The following SARDH variants were observed in gnomAD, a reference collection of about 807,000 sequenced individuals.
SARDH encodes sarcosine dehydrogenase, also known as sarcosine dehydrogenase, mitochondrial.
A neutral mutation model predicts 109.1 loss-of-function variants in SARDH; 95 were observed. That is an observed-to-expected ratio of 0.87 (90% CI 0.74 to 1.03). The LOEUF is 1.03. Ranked by LOEUF, SARDH falls within the 50% of genes least tolerant of loss-of-function variation. The pLI, the probability that SARDH is intolerant of heterozygous loss-of-function variation, is 0.00. For missense variants in SARDH, 1,267 were observed against 1,287.8 expected (o/e 0.98, Z 0.25); for synonymous variants, 572 against 534.8 (o/e 1.07, Z -0.96).
intron 13 of SARDH, among the ~76,000 whole-genome samples, chr9:133,701,129 A>T (rs1831469169): frequency 6.6e-6 from 1 of 152,258 alleles, no homozygotes; most frequent in South Asian, 2.1e-4. Context: ...TGACCCTGAC[A>T]GCTGGTCAGG....
Position 133,704,110 on chromosome 9 carries a change from G to A in SARDH, c.1554+838C>T, listed in dbSNP as rs1831597290. ...GTTCATGAGGACGGCATGTCCCTAG[G>A]GGCCAGCAGGAGAAGAGACGATGAC... On this transcript the variant is annotated intron_variant, in intron 12 of 20. Transcript: ENST00000439388. The surrounding 1 kb of genome is among the most constrained non-coding windows in gnomAD (Gnocchi z 4.5). Among the ~76,000 whole-genome samples the A allele has an allele frequency of 1.3e-5, 2 of 152,100 alleles. No homozygotes were observed. The highest frequency in any genetic ancestry group is 2.9e-5 in the Non-Finnish European group (2 of 68,006).
Position 133,670,716 on chromosome 9 carries a change from T to G in SARDH, c.2363A>C (p.Asp788Ala). ...GGCCAGGCCTGCCTCCAGGGGGCTG[T>G]CGTCTGGCCGCAGGTCCGCGTGCCA... is the stretch of plus-strand genomic sequence containing the variant. ...RHWHADLRPD[D>A]SPLEAGLAFT... Residue 788 changes from aspartate to alanine, a missense_variant, in exon 19 of 21, where the codon GAC becomes GCC. Coordinates refer to ENST00000439388, the MANE Select transcript of SARDH (RefSeq NM_001134707.2). 1 of 1,600,312 alleles carries G rather than the reference T, an allele frequency of 6.2e-7. No homozygotes were observed. The highest frequency in any genetic ancestry group is 8.5e-7 in the Non-Finnish European group (1 of 1,174,474).
At chr9:133,690,248 C>T (rs752130220) in intron 16 of SARDH, 132 bp downstream of exon 16, 10 of 970,170 alleles carry the variant, frequency 1.0e-5, no homozygotes, top group African/African-American at 1.6e-5. Context: ...AGAATGGCAT[C>T]TCTGGTTTAC....
chr9:133,725,539 G>T, intron 6 of SARDH: 1 of 438,662 alleles, frequency 2.3e-6, no homozygotes, highest in Non-Finnish European at 4.6e-6. Flanking sequence ...AGCCGGGTGT[G>T]GTGACGGGCA....
chr9:133,662,839 A>T (rs1305874409), downstream of SARDH, among the ~76,000 whole-genome samples: 1 of 152,150 alleles, frequency 6.6e-6, no homozygotes, highest in Non-Finnish European at 1.5e-5. This position sits in a 1 kb window ranked among gnomAD's most constrained non-coding sequence, Gnocchi z 5.1. Context: ...GACGGGCCTG[A>T]TCTGAACCTG....
At chr9:133,730,323 T>C in intron 4 of SARDH, 136 bp from the exon 5 acceptor site, 1 of 1,145,182 alleles carries the variant, frequency 8.7e-7, no homozygotes, top group Non-Finnish European at 1.2e-6. Flanking sequence ...CCTGCGACAC[T>C]GTCAGGGAAA....
chr9:133,670,653 C>G lies in SARDH; in HGVS notation c.2426G>C (p.Gly809Ala). The change falls in exon 19 of 21, where the codon GGG becomes GCG. Residue 809 changes from glycine to alanine, a missense_variant. Transcript: ENST00000439388. ...CCGCTGCTGCTCCAGGGCCTCCCTCCCCAGGAAGGGCACCGGCGACTTGAG... is the reference window on the plus strand; with the variant it reads ...CCGCTGCTGCTCCAGGGCCTCCCTCGCCAGGAAGGGCACCGGCGACTTGAG... ...CKLKSPVPFLGREALEQQRAA... is the reference protein window; with the variant it reads ...CKLKSPVPFLAREALEQQRAA... 6.3e-7 allele frequency: 1 copy of G among 1,593,696 alleles called. No homozygotes were observed. Among genetic ancestry groups the G allele is most frequent in the Non-Finnish European group, 8.5e-7 (1 of 1,171,002 alleles).
At chr9:133,719,382 G>A (rs557217641) in intron 6 of SARDH, among the ~76,000 whole-genome samples, 103 of 152,326 alleles carry the variant, frequency 6.8e-4, no homozygotes, top group African/African-American at 2.4e-3. Flanking sequence ...AGCAGTAGAG[G>A]ATGGGAGATT....
chr9:133,660,715 C>T (rs1259099697), downstream of SARDH, among the ~76,000 whole-genome samples: 3 of 152,116 alleles, frequency 2.0e-5, no homozygotes, highest in Non-Finnish European at 4.4e-5. Context: ...GTGGCACAAC[C>T]CCCCATCTGT....
At chr9:133,715,845 C>G (rs1832101281) in intron 8 of SARDH, among the ~76,000 whole-genome samples, 1 of 152,226 alleles carries the variant, frequency 6.6e-6, no homozygotes, top group Non-Finnish European at 1.5e-5. Context: ...CACAGATGCA[C>G]CTACTCCAGA....
At chr9:133,732,026 A>G (rs914168648) in intron 3 of SARDH, among the ~76,000 whole-genome samples, 1 of 152,162 alleles carries the variant, frequency 6.6e-6, no homozygotes, top group Non-Finnish European at 1.5e-5. Context: ...AAGCTGGGCC[A>G]ATCAGATTCT....
At chr9:133,669,826 G>A (rs1830273167) in intron 19 of SARDH, among the ~76,000 whole-genome samples, 1 of 152,230 alleles carries the variant, frequency 6.6e-6, no homozygotes, top group African/African-American at 2.4e-5. Flanking sequence ...GAACGGGATG[G>A]GAGGTCGTGT....
chr9:133,683,810 T>G (rs1830783672), intron 17 of SARDH, among the ~76,000 whole-genome samples: 1 of 152,116 alleles, frequency 6.6e-6, no homozygotes, highest in African/African-American at 2.4e-5. Flanking sequence ...CTCCCCAACC[T>G]TCCTTAGCAT....
chr9:133,718,674 G>T lies in SARDH; in HGVS notation c.1020+264C>A. The stretch of plus-strand genomic sequence containing the variant: ...TTGTGTGCTCTCATGCCCTTCTGAG[G>T]TCATCACTCCACACTGCGCAGACCT... On this transcript the variant is annotated intron_variant, in intron 7 of 20. Coordinates refer to ENST00000439388, the MANE Select transcript of SARDH (RefSeq NM_001134707.2). The surrounding 1 kb of genome is among the most constrained non-coding windows in gnomAD (Gnocchi z 4.2). 1.3e-6 allele frequency: 1 copy of T among 779,608 alleles called. No homozygotes were observed. The allele number at this position is 779,608 out of a possible 1,614,324, so 48.3% of individuals were successfully genotyped here. A position where few individuals can be genotyped will look rare whatever the true frequency, so the allele number is the denominator to read the frequency against.
chr9:133,685,812 T>C (rs1830864944), intron 16 of SARDH, among the ~76,000 whole-genome samples: 2 of 152,090 alleles, frequency 1.3e-5, no homozygotes, highest in Admixed American at 6.5e-5. Flanking sequence ...CAGAGCCGGA[T>C]TGGAGCAGAT....
chr9:133,732,639 T>G (rs756579321), intron 2 of SARDH, 38 bp from the exon 3 acceptor site: 1 of 1,558,782 alleles, frequency 6.4e-7, no homozygotes, highest in South Asian at 1.2e-5. Flanking sequence ...CCCCAGGGAG[T>G]GGACTGCACC....
chr9:133,664,574 C>T (rs777767319), intron 20 of SARDH, among the ~76,000 whole-genome samples: 400 of 152,246 alleles, frequency 2.6e-3, no homozygotes, highest in Non-Finnish European at 4.2e-3. Flanking sequence ...GCTGGTGACG[C>T]CTGGCACTTT....
chr9:133,728,706 G>A lies in SARDH; in HGVS notation c.915+1059C>T, dbSNP rs1832574298. ...GAACTAGGTGTCTGTCTGTGTTATG[G>A]CCACAGCTTCTAGAATAGGGCCTGA... On this transcript the variant is annotated intron_variant, in intron 6 of 20. Transcript: ENST00000439388. This position sits in a 1 kb window ranked among gnomAD's most constrained non-coding sequence, Gnocchi z 5.0. 6.6e-6 allele frequency among the ~76,000 whole-genome samples: 1 copy of A among 152,180 alleles called. No individual in the cohort carries two copies.
intron 8 of SARDH, 72 bp downstream of exon 8, chr9:133,717,254 G>A: frequency 6.4e-7 from 1 of 1,572,802 alleles, no homozygotes; most frequent in Non-Finnish European, 8.7e-7. Context: ...GGTCTCACGG[G>A]GCATCACTAC....
Sources: gnomAD v4.1 joint callset for allele counts (sites outside exome capture counted in the v4.1 genomes callset) on GRCh38, gnomAD v4.1.1 for gene constraint, Gnocchi (gnomAD v3.1) non-coding constraint, MANE v1.5 for transcripts, NCBI Gene and HGNC (gene_info 2026-07-23, HGNC 2026-07-21) for gene names.